PSME1: variants seen among roughly 807,000 people sequenced by gnomAD.
PSME1 encodes proteasome activator complex subunit 1.
PSME1 carries 15 observed loss-of-function variants against 38.4 expected under a neutral mutation model. The observed-to-expected ratio is 0.39, with a 90% confidence interval of 0.26 to 0.60. The LOEUF (loss-of-function observed/expected upper bound fraction) is 0.60, where lower values mean the gene tolerates loss of function less well. PSME1 is among the 20% of genes least tolerant of loss of function. PSME1 has a pLI of 0.53. For synonymous variants in PSME1, 106 were observed against 106.8 expected (o/e 0.99, Z 0.05); for missense variants, 249 against 305.6 (o/e 0.81, Z 1.38).
chr14:24,137,234 G>A (rs1426976648), intron 3 of PSME1, 29 bp downstream of exon 3: 1 of 1,612,836 alleles, frequency 6.2e-7, no homozygotes, highest in Middle Eastern at 1.7e-4. Flanking sequence ...GAGCTAGGGA[G>A]TAAAGGCCAA....
Position 24,138,243 on chromosome 14 carries a change from C to T in PSME1, c.507C>T (p.Gly169=), listed in dbSNP as rs772408283. The change falls in exon 8 of 11, where the codon GGC becomes GGT. Residue 169 remains glycine, a synonymous_variant. Coordinates refer to ENST00000206451, the MANE Select transcript of PSME1 (RefSeq NM_006263.4). The part of the protein sequence containing the change: ...LMTSLHTKLE[G]FHTQISKYFS... ...CCAGCCTCCACACCAAGCTAGAAGG[C>T]TTCCACACTCAAATCTCTAAGTGAG... 3 of 1,614,234 alleles carry T rather than the reference C, an allele frequency of 1.9e-6. No individual in the cohort carries two copies. Among genetic ancestry groups the T allele is most frequent in the Non-Finnish European group, 2.5e-6 (3 of 1,180,040 alleles).
intron 5 of PSME1, 33 bp from the exon 6 acceptor site, chr14:24,137,667 A>G: frequency 1.2e-6 from 2 of 1,611,252 alleles, no homozygotes; most frequent in Non-Finnish European, 1.7e-6. Flanking sequence ...ACACAGGCTC[A>G]ATCATGTGAC....
Position 24,136,352 on chromosome 14 carries a change from C to T in PSME1, c.39+51C>T. 6.8e-7 allele frequency: 1 copy of T among 1,469,956 alleles called. No individual in the cohort carries two copies. Among genetic ancestry groups the T allele is most frequent in the Non-Finnish European group, 9.0e-7 (1 of 1,107,340 alleles). 91.1% of individuals were successfully genotyped at this position (1,469,956 alleles called of 1,614,324 possible). The stretch of plus-strand genomic sequence containing the variant: ...GCCCACTGGGGAGGCGTGGCTGGAG[C>T]GGCCGGGGGCATCCCCGACCCGCCC... On this transcript the variant is annotated intron_variant, in intron 1 of 10. Transcript: ENST00000206451. This position sits in a 1 kb window ranked among gnomAD's most constrained non-coding sequence, Gnocchi z 4.8.
In PSME1 at chr14:24,136,931, T is replaced by C; in HGVS notation, c.40-54T>C. On this transcript the variant is annotated intron_variant, in intron 1 of 10. Coordinates refer to ENST00000206451, the MANE Select transcript of PSME1 (RefSeq NM_006263.4). The surrounding 1 kb of genome is among the most constrained non-coding windows in gnomAD (Gnocchi z 4.8). ...CTACATAACCCTAAGGGAACTGTCCTCAAATGAACTGGCCTTAAAGCCAAG... is the reference window on the plus strand; with the variant it reads ...CTACATAACCCTAAGGGAACTGTCCCCAAATGAACTGGCCTTAAAGCCAAG... 3 of 1,611,506 alleles carry C rather than the reference T, an allele frequency of 1.9e-6. No individual in the cohort carries two copies. The South Asian group carries it at 3.3e-5, about 18-fold the overall frequency.
chr14:24,137,537 AAAG>A lies in PSME1; in HGVS notation c.271_273del (p.Lys91del), dbSNP rs781776031. On this transcript the variant is annotated inframe_deletion, in exon 5 of 11. Coordinates refer to ENST00000206451, the MANE Select transcript of PSME1 (RefSeq NM_006263.4). ...TTCTGCAGAAGGAAGACAAGGATGA[AAAG>A]AAGAAGGGGGAGGATGAAGACAAAG... The A allele has an allele frequency of 5.5e-5, 88 of 1,614,242 alleles. No homozygotes were observed. Among genetic ancestry groups the A allele is most frequent in the Non-Finnish European group, 6.9e-5 (81 of 1,180,030 alleles).
Position 24,137,585 on chromosome 14 carries a change from T to G in PSME1, c.292+20T>G, listed in dbSNP as rs868805587. On this transcript the variant is annotated intron_variant, in intron 5 of 10. Transcript: ENST00000206451. ...ACAAAGGTACTTGAAACCACAATGG[T>G]GGGAAGAGACTTGAGTCCCACTCAC... is the stretch of plus-strand genomic sequence containing the variant. 4.3e-6 allele frequency: 7 copies of G among 1,614,012 alleles called. No individual in the cohort carries two copies. The African/African-American group carries it at 5.3e-5, about 12-fold the overall frequency.
At position 24,136,249 on chromosome 14, in the gene PSME1, C is replaced by A. The variant is rs565776502; in HGVS notation, c.-14C>A. 1.6e-5 allele frequency: 24 copies of A among 1,523,482 alleles called. No homozygotes were observed. The highest frequency in any genetic ancestry group is 1.0e-4 in the Admixed American group (5 of 47,874). 94.4% of individuals were successfully genotyped at this position (1,523,482 alleles called of 1,614,324 possible). A position where few individuals can be genotyped will look rare whatever the true frequency, so the allele number is the denominator to read the frequency against. On this transcript the variant is annotated 5_prime_UTR_variant, in exon 1 of 11. Coordinates refer to ENST00000206451, the MANE Select transcript of PSME1 (RefSeq NM_006263.4). The surrounding 1 kb of genome is among the most constrained non-coding windows in gnomAD (Gnocchi z 4.8). ...CTCCACTCCTTGTGCGGCGCTAGGCCCCCCGTCCCGGTCATGGCCATGCTC... is the reference window on the plus strand; with the variant it reads ...CTCCACTCCTTGTGCGGCGCTAGGCACCCCGTCCCGGTCATGGCCATGCTC...
intron 9 of PSME1, 28 bp from the exon 10 acceptor site, chr14:24,138,446 G>C (rs756610364): frequency 5.0e-6 from 8 of 1,614,072 alleles, no homozygotes; most frequent in Non-Finnish European, 6.8e-6. Context: ...ACACATGTAA[G>C]GTCAGGCCTG....
Position 24,136,705 on chromosome 14 carries a change from C to T in PSME1, c.40-280C>T, listed in dbSNP as rs1321404440. ...CCAGGCGACCCCAGAGATCTGTTCT[C>T]ACGTGAACACTGGCCCTTCACCGCC... On this transcript the variant is annotated intron_variant, in intron 1 of 10. Transcript: ENST00000206451. The surrounding 1 kb of genome is among the most constrained non-coding windows in gnomAD (Gnocchi z 4.8). Among the ~76,000 whole-genome samples, 1 of 152,106 alleles carries T rather than the reference C, an allele frequency of 6.6e-6. No individual in the cohort carries two copies. Among genetic ancestry groups the T allele is most frequent in the Non-Finnish European group, 1.5e-5 (1 of 67,994 alleles).
chr14:24,137,981 A>C (rs1216579719), intron 6 of PSME1, 68 bp from the exon 7 acceptor site: 1 of 1,582,416 alleles, frequency 6.3e-7, no homozygotes, highest in Non-Finnish European at 8.7e-7. Flanking sequence ...GGAGGGAAGC[A>C]AGGGAGAATA....
At position 24,136,383 on chromosome 14, in the gene PSME1, G is replaced by T; in HGVS notation, c.39+82G>T. On this transcript the variant is annotated intron_variant, in intron 1 of 10. Coordinates refer to ENST00000206451, the MANE Select transcript of PSME1 (RefSeq NM_006263.4). The surrounding 1 kb of genome is among the most constrained non-coding windows in gnomAD (Gnocchi z 4.8). ...GGGGCATCCCCGACCCGCCCCCCAG[G>T]CTCCCACGCGAGTCGGGGGCAGTCG... 7.4e-7 allele frequency: 1 copy of T among 1,347,412 alleles called. No individual in the cohort carries two copies. The highest frequency in any genetic ancestry group is 3.3e-5 in the Admixed American group (1 of 30,106). 83.5% of individuals were successfully genotyped at this position (1,347,412 alleles called of 1,614,324 possible). A position where few individuals can be genotyped will look rare whatever the true frequency, so the allele number is the denominator to read the frequency against.
chr14:24,138,899 C>T lies in PSME1; in HGVS notation c.*83C>T. The stretch of plus-strand genomic sequence containing the variant: ...GGACTCCAGATTTTCCCCAAACTTG[C>T]TTCTGTTGAGATTTTTCCCTCACCT... On this transcript the variant is annotated 3_prime_UTR_variant, in exon 11 of 11. Coordinates refer to ENST00000206451, the MANE Select transcript of PSME1 (RefSeq NM_006263.4). The T allele has an allele frequency of 6.3e-7, 1 of 1,591,406 alleles. No homozygotes were observed. Among genetic ancestry groups the T allele is most frequent in the Non-Finnish European group, 8.6e-7 (1 of 1,166,386 alleles).
rs535098647 is a variant in PSME1 at position 24,136,407 on chromosome 14, C to T, written c.39+106C>T. The stretch of plus-strand genomic sequence containing the variant: ...GGCTCCCACGCGAGTCGGGGGCAGT[C>T]GGCCGAGCTGGCGCGCCCGGAGCAC... On this transcript the variant is annotated intron_variant, in intron 1 of 10. Coordinates refer to ENST00000206451, the MANE Select transcript of PSME1 (RefSeq NM_006263.4). This position sits in a 1 kb window ranked among gnomAD's most constrained non-coding sequence, Gnocchi z 4.8. 2.0e-3 allele frequency: 2,346 copies of T among 1,201,170 alleles called. 6 individuals are homozygous for T. Among genetic ancestry groups the T allele is most frequent in the Non-Finnish European group, 2.4e-3 (2,161 of 911,072 alleles). 74.4% of individuals were successfully genotyped at this position (1,201,170 alleles called of 1,614,324 possible).
chr14:24,137,391 T>G lies in PSME1; in HGVS notation c.206T>G (p.Val69Gly). 6.2e-7 allele frequency: 1 copy of G among 1,613,798 alleles called. No individual in the cohort carries two copies. The highest frequency in any genetic ancestry group is 8.5e-7 in the Non-Finnish European group (1 of 1,179,946). The change falls in exon 4 of 11, where the codon GTC (valine) becomes GGC (glycine). Residue 69 changes from valine to glycine, a missense_variant. Transcript: ENST00000206451. ...TTGGACATCCCAGTGCCTGATCCAG[T>G]CAAGGAGAAAGAGAAAGAGGAGCGG... ...APLDIPVPDPVKEKEKEERKK... is the reference protein window; with the variant it reads ...APLDIPVPDPGKEKEKEERKK...
At chr14:24,137,112 C>T (rs2037917443) in intron 2 of PSME1, 31 bp from the exon 3 acceptor site, 2 of 1,613,866 alleles carry the variant, frequency 1.2e-6, no homozygotes, top group African/African-American at 1.3e-5. Context: ...ATGCTGACTC[C>T]CATCCTCCTC....
Position 24,136,424 on chromosome 14 carries a change from C to A in PSME1, c.39+123C>A. On this transcript the variant is annotated intron_variant, in intron 1 of 10. Transcript: ENST00000206451. The surrounding 1 kb of genome is among the most constrained non-coding windows in gnomAD (Gnocchi z 4.8). ...GGGGCAGTCGGCCGAGCTGGCGCGC[C>A]CGGAGCACCTGCGCCCCGGGGAGGG... 1 of 997,442 alleles carries A rather than the reference C, an allele frequency of 1.0e-6. No homozygotes were observed. The highest frequency in any genetic ancestry group is 1.4e-6 in the Non-Finnish European group (1 of 733,566). The allele number at this position is 997,442 out of a possible 1,614,324, so 61.8% of individuals were successfully genotyped here.
At chr14:24,137,593 G>C in intron 5 of PSME1, 28 bp downstream of exon 5, 4 of 1,613,750 alleles carry the variant, frequency 2.5e-6, no homozygotes, top group Non-Finnish European at 2.5e-6. Context: ...GGTGGGAAGA[G>C]ACTTGAGTCC....
At position 24,138,541 on chromosome 14, in the gene PSME1, T is replaced by C. The variant is rs1398688289; in HGVS notation, c.650T>C (p.Met217Thr). Residue 217 changes from methionine to threonine, a missense_variant, in exon 10 of 11, where the codon ATG (methionine) becomes ACG (threonine). Coordinates refer to ENST00000206451, the MANE Select transcript of PSME1 (RefSeq NM_006263.4). ...AEYRDIRLMV[M>T]EIRNAYAVLY... ...TACCGGGACATCCGGCTGATGGTCA[T>C]GGAGATCCGCAATGCTTATGTGAGG... is the stretch of plus-strand genomic sequence containing the variant. 1.2e-5 allele frequency: 19 copies of C among 1,613,938 alleles called. No individual in the cohort carries two copies. In the East Asian group the frequency reaches 1.6e-4, roughly 13 times the overall value.
At chr14:24,138,305 ACCT>A (rs761860932) in intron 8 of PSME1, 37 bp from the exon 9 acceptor site, 10 of 1,613,578 alleles carry the variant, frequency 6.2e-6, no homozygotes, top group Middle Eastern at 3.3e-4. Flanking sequence ...GTTTTGGGAG[ACCT>A]CCTTCTTCTA....
Sources: allele counts gnomAD v4.1 joint callset (sites outside exome capture counted in the v4.1 genomes callset), GRCh38; gene constraint gnomAD v4.1.1; non-coding constraint Gnocchi (gnomAD v3.1); transcripts MANE v1.5; gene names NCBI Gene and HGNC (gene_info 2026-07-23, HGNC 2026-07-21).